FAR2: variants seen among roughly 807,000 people sequenced by gnomAD.
The protein encoded by FAR2 is epididymis secretory protein Li 81.
Under a neutral mutation model 56.0 loss-of-function variants are expected in FAR2, and 19 were observed. The observed-to-expected ratio is 0.34, with a 90% confidence interval of 0.24 to 0.50. The LOEUF is 0.50. FAR2 is among the 20% of genes least tolerant of loss of function. The pLI is 0.98. For missense variants in FAR2, 508 were observed against 642.2 expected (o/e 0.79, Z 2.26); for synonymous variants, 219 against 218.8 (o/e 1.00, Z -0.01).
chr12:29,260,901 A>G (rs1377214615), intron 1 of FAR2, among the ~76,000 whole-genome samples: 1 of 152,198 alleles, frequency 6.6e-6, no homozygotes, highest in Non-Finnish European at 1.5e-5. Flanking sequence ...CAGTACCTTC[A>G]TGACTGTGCA....
chr12:29,170,297 G>T (rs754462300), intron 1 of FAR2, among the ~76,000 whole-genome samples: 10 of 152,188 alleles, frequency 6.6e-5, no homozygotes, highest in Non-Finnish European at 1.0e-4. Flanking sequence ...TTCCTCCTTG[G>T]TCTGGTCAGA....
chr12:29,174,499 C>T lies in FAR2; in HGVS notation c.-39+25092C>T, dbSNP rs1316049616. The stretch of plus-strand genomic sequence containing the variant: ...TCACCCAGGCTAGAGTGCAGTGGCA[C>T]AATCTCGGCCTCCCCAGTTCATGCC... On this transcript the variant is annotated intron_variant, in intron 1 of 11. Transcript: ENST00000536681. Among the ~76,000 whole-genome samples, 9 of 116,524 alleles carry T rather than the reference C, an allele frequency of 7.7e-5. No homozygotes were observed. The Admixed American group carries it at 1.1e-3, about 15-fold the overall frequency. The allele number at this position is 116,524 out of a possible 152,430, so 76.4% of individuals were successfully genotyped here.
chr12:29,179,923 GCAAA>G (rs528174524), intron 1 of FAR2, among the ~76,000 whole-genome samples: 11 of 152,206 alleles, frequency 7.2e-5, no homozygotes, highest in African/African-American at 1.9e-4. Flanking sequence ...GATGAAAAAA[GCAAA>G]CAAACAAAAA....
chr12:29,172,263 G>T (rs1949895205), intron 1 of FAR2, among the ~76,000 whole-genome samples: 1 of 152,182 alleles, frequency 6.6e-6, no homozygotes, highest in South Asian at 2.1e-4. Context: ...GGGAAGTGAG[G>T]AGCACCTCTG....
intron 1 of FAR2, among the ~76,000 whole-genome samples, chr12:29,266,523 G>T (rs1948518899): frequency 6.6e-6 from 1 of 151,982 alleles, no homozygotes; most frequent in African/African-American, 2.4e-5. Flanking sequence ...GTGTTGAAGG[G>T]AGTGGGTAAT....
Position 29,210,310 on chromosome 12 carries a change from T to TAATC in FAR2, c.-38-60100_-38-60099insTCAA, listed in dbSNP as rs569829386. ...CTAGACAGTTTATCAGTGTTTACTC[T>TAATC]AAGATACTCTAATCAAGGTAACAGA... On this transcript the variant is annotated intron_variant, in intron 1 of 11. Coordinates refer to ENST00000536681, the MANE Select transcript of FAR2 (RefSeq NM_001271783.2). Among the ~76,000 whole-genome samples the TAATC allele has an allele frequency of 1.4e-3, 220 of 152,310 alleles. 1 individual carries two copies. The South Asian group carries it at 0.021, about 15-fold the overall frequency.
chr12:29,209,316 A>G (rs919956295), intron 1 of FAR2, among the ~76,000 whole-genome samples: 3 of 152,174 alleles, frequency 2.0e-5, no homozygotes, highest in Non-Finnish European at 2.9e-5. Context: ...TTCTCTCACT[A>G]TCTTCTTTCT....
At chr12:29,192,219 T>C (rs1950108589) in intron 1 of FAR2, among the ~76,000 whole-genome samples, 1 of 152,226 alleles carries the variant, frequency 6.6e-6, no homozygotes, top group Non-Finnish European at 1.5e-5. Context: ...ATTCTCTCCA[T>C]TGTTTTGTTA....
chr12:29,253,963 T>TA (rs1398440920), intron 1 of FAR2, among the ~76,000 whole-genome samples: 4 of 152,198 alleles, frequency 2.6e-5, no homozygotes, highest in Non-Finnish European at 5.9e-5. Flanking sequence ...TTGATTTTTT[T>TA]AAAAAAGACT....
intron 1 of FAR2, among the ~76,000 whole-genome samples, chr12:29,218,881 TTTTA>T (rs58268149): frequency 5.3e-5 from 8 of 151,238 alleles, no homozygotes; most frequent in Admixed American, 1.3e-4. Flanking sequence ...CGTGTTAGAA[TTTTA>T]TTTATTTATT....
At chr12:29,296,427 C>G (rs1232576436) in intron 3 of FAR2, among the ~76,000 whole-genome samples, 5 of 152,252 alleles carry the variant, frequency 3.3e-5, no homozygotes, top group African/African-American at 1.2e-4. Context: ...TATAGTTTTT[C>G]TCATTTGAGT....
rs968131651 is a variant in FAR2 at position 29,263,397 on chromosome 12, G to C, written c.-38-7015G>C. Among the ~76,000 whole-genome samples the C allele has an allele frequency of 1.3e-5, 2 of 151,924 alleles. 1 individual carries two copies. The highest frequency in any genetic ancestry group is 2.9e-5 in the Non-Finnish European group (2 of 67,972). Reference sequence around the variant, plus strand: ...ATTCTCAAGGATAGACCATATATTAGGTCACAAAACAGGTCTTAAAACATT... The same window carrying C: ...ATTCTCAAGGATAGACCATATATTACGTCACAAAACAGGTCTTAAAACATT... On this transcript the variant is annotated intron_variant, in intron 1 of 11. Transcript: ENST00000536681.
At chr12:29,264,255 A>G (rs1307145061) in intron 1 of FAR2, among the ~76,000 whole-genome samples, 1 of 152,214 alleles carries the variant, frequency 6.6e-6, no homozygotes, top group African/African-American at 2.4e-5. Context: ...TGAAAAAAGC[A>G]TTTGATAAAA....
At chr12:29,218,737 C>CTT (rs1947651572) in intron 1 of FAR2, among the ~76,000 whole-genome samples, 1 of 151,954 alleles carries the variant, frequency 6.6e-6, no homozygotes, top group African/African-American at 2.4e-5. Context: ...AGAGAAAAAT[C>CTT]TTAAAAGCAG....
chr12:29,332,019 TC>T (rs888215310), intron 10 of FAR2: 1 of 153,410 alleles, frequency 6.5e-6, no homozygotes, highest in African/African-American at 2.4e-5. Flanking sequence ...ATCTCTTCCT[TC>T]TCCTTCTTCC....
chr12:29,311,277 A>C, intron 7 of FAR2, 131 bp downstream of exon 7: 1 of 655,018 alleles, frequency 1.5e-6, no homozygotes, highest in East Asian at 2.5e-5. Context: ...TCAATATTTT[A>C]TAGAGTTCCT....
chr12:29,252,613 A>G (rs1223955653), intron 1 of FAR2, among the ~76,000 whole-genome samples: 1 of 152,184 alleles, frequency 6.6e-6, no homozygotes, highest in Admixed American at 6.5e-5. Flanking sequence ...CCATCATAGG[A>G]TTTAAGTTAC....
chr12:29,267,281 C>T (rs867429689), intron 1 of FAR2, among the ~76,000 whole-genome samples: 1 of 152,048 alleles, frequency 6.6e-6, no homozygotes, highest in African/African-American at 2.4e-5. Context: ...AAATGTAAAA[C>T]CAGTGACTAT....
chr12:29,272,236 G>A (rs1402238486), intron 2 of FAR2, among the ~76,000 whole-genome samples: 1 of 152,162 alleles, frequency 6.6e-6, no homozygotes, highest in Admixed American at 6.5e-5. Context: ...TTTCCAGCTT[G>A]TTTCCATTCT....
Sources: gnomAD v4.1 joint callset for allele counts (sites outside exome capture counted in the v4.1 genomes callset) on GRCh38, gnomAD v4.1.1 for gene constraint, MANE v1.5 for transcripts, NCBI Gene and HGNC (gene_info 2026-07-23, HGNC 2026-07-21) for gene names.